CDH3: variants seen among roughly 807,000 people sequenced by gnomAD.
CDH3 encodes the protein cadherin-3.
CDH3 carries 54 observed loss-of-function variants against 82.0 expected under a neutral mutation model. The ratio of observed to expected loss-of-function variants is 0.66; its 90% CI spans 0.53 to 0.83. The LOEUF (loss-of-function observed/expected upper bound fraction) is 0.83, where lower values mean the gene tolerates loss of function less well. Ranked by LOEUF, CDH3 falls within the 40% of genes least tolerant of loss-of-function variation. The probability of loss-of-function intolerance (pLI) is 0.00; values close to 1 mark genes in which losing one functional copy is unlikely to be tolerated. For synonymous variants in CDH3, 446 were observed against 437.9 expected, an observed-to-expected ratio of 1.02 and a Z score of -0.23; for missense variants, 1,054 against 1,084.6, an observed-to-expected ratio of 0.97 and a Z score of 0.40.
chr16:68,698,440 CAG>C lies in CDH3; in HGVS notation c.*43_*44del. Reference sequence around the variant, plus strand: ...GGGCTGGGGACCAAACGTCAGGCCACAGAGCATCTCCAAGGGGTCTCAGTTCC... The same window carrying C: ...GGGCTGGGGACCAAACGTCAGGCCACAGCATCTCCAAGGGGTCTCAGTTCC... On this transcript the variant is annotated 3_prime_UTR_variant, in exon 16 of 16. Transcript: ENST00000264012. 6.3e-7 allele frequency: 1 copy of C among 1,576,718 alleles called. No individual in the cohort carries two copies.
chr16:68,733,097 A>G, the CDH3 span, among the ~76,000 whole-genome samples: 27 of 152,184 alleles, frequency 1.8e-4, no homozygotes, highest in Admixed American at 6.5e-5. Flanking sequence ...ATTAAGTGCT[A>G]TCAACATTCC....
intron 15 of CDH3, among the ~76,000 whole-genome samples, chr16:68,697,248 C>T (rs1267454923): frequency 6.6e-6 from 1 of 151,494 alleles, no homozygotes; most frequent in Admixed American, 6.6e-5. Context: ...CGCTTGAACC[C>T]AGGAGGTGGA....
chr16:68,732,668 G>A, the CDH3 span, among the ~76,000 whole-genome samples: 3 of 152,144 alleles, frequency 2.0e-5, no homozygotes, highest in Admixed American at 2.0e-4. Context: ...TGGAGTTTGG[G>A]TTTTCCCCAG....
At position 68,691,776 on chromosome 16, in the gene CDH3, C is replaced by T; in HGVS notation, c.1852C>T (p.His618Tyr). ...KFLKQDTYDV[H>Y]LSLSDHGNKE... ...CCTGAAGCAGGATACATATGACGTG[C>T]ACCTTTCTCTGTCTGACCATGGCAA... Residue 618 changes from histidine to tyrosine, a missense_variant, in exon 13 of 16, where the codon CAC becomes TAC. Coordinates refer to ENST00000264012, the MANE Select transcript of CDH3 (RefSeq NM_001793.6). 6.2e-7 allele frequency: 1 copy of T among 1,614,172 alleles called. No homozygotes were observed.
At position 68,695,852 on chromosome 16, in the gene CDH3, A is replaced by T; in HGVS notation, c.2209A>T (p.Thr737Ser). Residue 737 changes from threonine (T) to serine (S), a missense_variant, in exon 15 of 16, where the codon ACC becomes TCC. Physicochemically the swap from Thr to Ser is moderately conservative, Grantham distance 58 (BLOSUM62 1). Transcript: ENST00000264012. Reference sequence around the variant, plus strand: ...GGTTCTCCGCAATGACGTGGCACCAACCATCATCCCGACACCCATGTACCG... The same window carrying T: ...GGTTCTCCGCAATGACGTGGCACCATCCATCATCCCGACACCCATGTACCG... The part of the protein sequence containing the change: ...EVVLRNDVAP[T>S]IIPTPMYRPR... 7 of 1,614,048 alleles carry T rather than the reference A, an allele frequency of 4.3e-6. No homozygotes were observed. The highest frequency in any genetic ancestry group is 1.3e-5 in the African/African-American group (1 of 75,004).
Position 68,646,506 on chromosome 16 carries a change from C to A in CDH3, c.160+756C>A, listed in dbSNP as rs905332749. On this transcript the variant is annotated intron_variant, in intron 2 of 15. Transcript: ENST00000264012. ...TTTGATCCCTCAGTTACTCCTACCC[C>A]CCCCCTCCCCGCCCCAAGTTCAAAA... 5.7e-5 allele frequency among the ~76,000 whole-genome samples: 8 copies of A among 139,796 alleles called. No homozygotes were observed. The South Asian group carries it at 1.3e-3, about 22-fold the overall frequency. 91.7% of individuals were successfully genotyped at this position (139,796 alleles called of 152,430 possible).
At chr16:68,729,239 A>T (rs8063312), downstream of CDH3, among the ~76,000 whole-genome samples, 2 of 152,032 alleles carry the variant, frequency 1.3e-5, no homozygotes, top group Non-Finnish European at 1.5e-5. Flanking sequence ...CGGGAGGCGG[A>T]GGTTGCAGTG....
intron 2 of CDH3, among the ~76,000 whole-genome samples, chr16:68,672,657 C>G (rs991111595): frequency 1.3e-5 from 2 of 152,224 alleles, no homozygotes; most frequent in Non-Finnish European, 2.9e-5. Context: ...CCAAGCACGT[C>G]ACAGCCCAGC....
intron 11 of CDH3, chr16:68,686,306 C>G: frequency 2.6e-6 from 2 of 782,038 alleles, no homozygotes; most frequent in Non-Finnish European, 4.4e-6. Context: ...TCACGTGTCG[C>G]CAGGGTCAGA....
In CDH3 at chr16:68,676,263, C is replaced by T. The variant is rs1961030066; in HGVS notation, c.161-122C>T. ...TGGTCAGAGAAAGTAAGCCAAGTCT[C>T]CCTTCTGCAGCCACTTAGCAGTCCT... On this transcript the variant is annotated intron_variant, in intron 2 of 15. Coordinates refer to ENST00000264012, the MANE Select transcript of CDH3 (RefSeq NM_001793.6). 12 of 737,772 alleles carry T rather than the reference C, an allele frequency of 1.6e-5. No homozygotes were observed. In the East Asian group the frequency reaches 3.2e-4, roughly 19 times the overall value. The allele number at this position is 737,772 out of a possible 1,614,324, so 45.7% of individuals were successfully genotyped here.
At chr16:68,681,749 G>A (rs1348237717) in intron 8 of CDH3, among the ~76,000 whole-genome samples, 1 of 152,164 alleles carries the variant, frequency 6.6e-6, no homozygotes, top group Non-Finnish European at 1.5e-5. Context: ...GAGACATGAG[G>A]ATCGCTTGAG....
At chr16:68,709,935 GC>G (rs1191761083) in intron 1 of CDH3, among the ~76,000 whole-genome samples, 1 of 152,190 alleles carries the variant, frequency 6.6e-6, no homozygotes, top group Non-Finnish European at 1.5e-5. Flanking sequence ...CTTTGTCCCA[GC>G]CACCAGCACC....
intron 6 of CDH3, 113 bp from the exon 7 acceptor site, chr16:68,679,686 C>G: frequency 5.5e-5 from 34 of 616,032 alleles, no homozygotes; most frequent in East Asian, 9.6e-5. Context: ...TAGAGTGAGA[C>G]TTCATCTCAA....
intron 1 of CDH3, among the ~76,000 whole-genome samples, chr16:68,719,890 A>G (rs1445485483): frequency 6.6e-6 from 1 of 152,116 alleles, no homozygotes; most frequent in Non-Finnish European, 1.5e-5. Flanking sequence ...GCAGTGGCTC[A>G]TGCATGTAAT....
intron 1 of CDH3, among the ~76,000 whole-genome samples, chr16:68,716,084 C>T (rs566414556): frequency 2.4e-4 from 37 of 152,192 alleles, no homozygotes; most frequent in African/African-American, 8.7e-4. Context: ...GCTTGACCAA[C>T]ATGGTGAAAC....
At chr16:68,724,648 C>T (rs1314986502) in intron 2 of CDH3, among the ~76,000 whole-genome samples, 2 of 150,946 alleles carry the variant, frequency 1.3e-5, no homozygotes, top group Non-Finnish European at 2.9e-5. Context: ...AAAAAATGGT[C>T]TCGAGACCTG....
At chr16:68,676,737 C>T (rs1258307642) in intron 3 of CDH3, among the ~76,000 whole-genome samples, 2 of 152,152 alleles carry the variant, frequency 1.3e-5, no homozygotes, top group Non-Finnish European at 2.9e-5. Context: ...GTACTGAGTC[C>T]CTCGGATTCC....
intron 1 of CDH3, among the ~76,000 whole-genome samples, chr16:68,705,920 C>T (rs1335878827): frequency 3.3e-5 from 5 of 151,390 alleles, no homozygotes; most frequent in East Asian, 4.0e-4. Flanking sequence ...AAAACATTAG[C>T]GCGGCGTGGT....
In CDH3 at chr16:68,695,159, T is replaced by C. The variant is rs117790083; in HGVS notation, c.2003-96T>C. 3.2e-3 allele frequency: 4,108 copies of C among 1,278,286 alleles called. 24 individuals are homozygous for C. The highest frequency in any genetic ancestry group is 8.5e-3 in the South Asian group (710 of 83,200). 79.2% of individuals were successfully genotyped at this position (1,278,286 alleles called of 1,614,324 possible). On this transcript the variant is annotated intron_variant, in intron 13 of 15. Transcript: ENST00000264012. ...AGCATGTTAAGCTCTGGCTACTGAG[T>C]GAGGACATCTGCAGTTAGAGGGGCT... is the stretch of plus-strand genomic sequence containing the variant.
Sources: gnomAD v4.1 joint callset for allele counts (sites outside exome capture counted in the v4.1 genomes callset) on GRCh38, gnomAD v4.1.1 for gene constraint, MANE v1.5 for transcripts, NCBI Gene and HGNC (gene_info 2026-07-23, HGNC 2026-07-21) for gene names.